Variants in EXOC4 observed in about 807,000 individuals in gnomAD.
The protein encoded by EXOC4 is exocyst complex component 4, also known as SEC8-like 1.
Under a neutral mutation model 107.2 loss-of-function variants are expected in EXOC4, and 71 were observed. That is an observed-to-expected ratio of 0.66 (90% confidence interval 0.55 to 0.81). The LOEUF (loss-of-function observed/expected upper bound fraction) is 0.81. Ranked by LOEUF, EXOC4 falls within the 30% of genes least tolerant of loss-of-function variation. EXOC4 has a pLI of 0.00. For synonymous variants in EXOC4, 456 were observed against 441.2 expected, an observed-to-expected ratio of 1.03 and a Z score of -0.42; for missense variants, 1,108 against 1,189.6, an observed-to-expected ratio of 0.93 and a Z score of 1.01.
intron 1 of EXOC4, among the ~76,000 whole-genome samples, chr7:133,254,397 G>C (rs1794965292): frequency 6.6e-6 from 1 of 152,162 alleles, no homozygotes; most frequent in African/African-American, 2.4e-5. Flanking sequence ...CCACATTCTC[G>C]CTGTGACAAT....
intron 12 of EXOC4, among the ~76,000 whole-genome samples, chr7:133,910,889 C>T (rs893919348): frequency 9.9e-5 from 15 of 152,156 alleles, no homozygotes; most frequent in African/African-American, 3.6e-4. Flanking sequence ...CCCACCTGCA[C>T]CTGGTTGTTT....
chr7:133,866,323 G>A lies in EXOC4; in HGVS notation c.1735-29276G>A, dbSNP rs145613109. Reference sequence around the variant, plus strand: ...CATGGCTCAGCTACTTGGCTTACTCGGTACCAGACATTGACTAGATGCTCA... The same window carrying A: ...CATGGCTCAGCTACTTGGCTTACTCAGTACCAGACATTGACTAGATGCTCA... On this transcript the variant is annotated intron_variant, in intron 11 of 17. Transcript: ENST00000253861. Among the ~76,000 whole-genome samples the A allele has an allele frequency of 4.6e-3, 696 of 152,198 alleles. 2 individuals are homozygous for A. The highest frequency in any genetic ancestry group is 0.014 in the African/African-American group (595 of 41,524).
Position 133,823,158 on chromosome 7 carries a change from G to A in EXOC4, c.1734+5614G>A, listed in dbSNP as rs558016029. Among the ~76,000 whole-genome samples the A allele has an allele frequency of 1.5e-3, 227 of 152,294 alleles. 7 individuals are homozygous for A. In the South Asian group the frequency reaches 0.042, roughly 28 times the overall value. On this transcript the variant is annotated intron_variant, in intron 11 of 17. Transcript: ENST00000253861. ...TCTGGGCAATCTTGAAATGTTTAGA[G>A]CATATTTTCATTTTCCTCTCTGCCC...
At chr7:133,465,229 A>C (rs898360012) in intron 7 of EXOC4, among the ~76,000 whole-genome samples, 1 of 152,204 alleles carries the variant, frequency 6.6e-6, no homozygotes, top group African/African-American at 2.4e-5. Flanking sequence ...AATATGTTTA[A>C]ATGAAATGGA....
At chr7:133,575,410 A>G (rs1801107001) in intron 9 of EXOC4, among the ~76,000 whole-genome samples, 2 of 152,240 alleles carry the variant, frequency 1.3e-5, no homozygotes, top group Non-Finnish European at 2.9e-5. Flanking sequence ...CACTAACTTT[A>G]AAATAGTCCC....
intron 17 of EXOC4, among the ~76,000 whole-genome samples, chr7:134,037,200 A>G (rs1290971121): frequency 2.0e-5 from 3 of 152,150 alleles, no homozygotes; most frequent in Non-Finnish European, 4.4e-5. Flanking sequence ...AAGGTACAAG[A>G]TATCAGTGGT....
In EXOC4 at chr7:133,280,726, C is replaced by T. The variant is rs75657555; in HGVS notation, c.276+5555C>T. 2.6e-4 allele frequency among the ~76,000 whole-genome samples: 39 copies of T among 152,036 alleles called. No individual in the cohort carries two copies. The East Asian group carries it at 7.4e-3, about 29-fold the overall frequency. On this transcript the variant is annotated intron_variant, in intron 2 of 17. Coordinates refer to ENST00000253861, the MANE Select transcript of EXOC4 (RefSeq NM_021807.4). ...TGAAACATTCATTATTTGGTAGATA[C>T]CTAAAATAATTCTGGCTTTTAAATG... is the stretch of plus-strand genomic sequence containing the variant.
At position 133,862,158 on chromosome 7, in the gene EXOC4, C is replaced by CTT. The variant is rs1231355625; in HGVS notation, c.1735-33427_1735-33426dup. On this transcript the variant is annotated intron_variant, in intron 11 of 17. Coordinates refer to ENST00000253861, the MANE Select transcript of EXOC4 (RefSeq NM_021807.4). ...ATGGTTCATGTCTTTAGTTTTCTTT[C>CTT]TTTTTTTTTTTTTTTAATTTTATGT... Among the ~76,000 whole-genome samples, 358 of 140,302 alleles carry CTT rather than the reference C, an allele frequency of 2.6e-3. 1 individual carries two copies. The highest frequency in any genetic ancestry group is 9.0e-3 in the African/African-American group (346 of 38,418). 92.0% of individuals were successfully genotyped at this position (140,302 alleles called of 152,430 possible).
intron 9 of EXOC4, among the ~76,000 whole-genome samples, chr7:133,564,069 A>G (rs1481790602): frequency 6.6e-6 from 1 of 152,154 alleles, no homozygotes; most frequent in African/African-American, 2.4e-5. Context: ...TATTTTACCT[A>G]CTCAGTAGCA....
chr7:133,769,940 C>G lies in EXOC4; in HGVS notation c.1515-47385C>G, dbSNP rs540171563. Among the ~76,000 whole-genome samples the G allele has an allele frequency of 7.9e-5, 12 of 151,916 alleles. 2 individuals are homozygous for G. The South Asian group carries it at 2.1e-3, about 26-fold the overall frequency. The stretch of plus-strand genomic sequence containing the variant: ...AGTGCCTCGGTTTTGCTAGCCTCAT[C>G]TGCTGTTTTTAAATGTCAGCCTCTG... On this transcript the variant is annotated intron_variant, in intron 10 of 17. Transcript: ENST00000253861.
intron 5 of EXOC4, among the ~76,000 whole-genome samples, chr7:133,318,766 T>C (rs2150583433): frequency 6.6e-6 from 1 of 152,328 alleles, no homozygotes; most frequent in East Asian, 1.9e-4. Flanking sequence ...AATCTTCAAG[T>C]TTATTACTTT....
At position 133,689,367 on chromosome 7, in the gene EXOC4, A is replaced by AG. The variant is rs1246261876; in HGVS notation, c.1514+59232dup. ...ACCTGTTAAAGATAGAATTTATTCA[A>AG]GGGGGGCTACTACAATGGGGTTTTG... On this transcript the variant is annotated intron_variant, in intron 10 of 17. Coordinates refer to ENST00000253861, the MANE Select transcript of EXOC4 (RefSeq NM_021807.4). 3.3e-5 allele frequency among the ~76,000 whole-genome samples: 5 copies of AG among 152,180 alleles called. No homozygotes were observed. In the South Asian group the frequency reaches 1.0e-3, roughly 32 times the overall value.
Position 133,956,014 on chromosome 7 carries a change from A to T in EXOC4, c.2206+17945A>T, listed in dbSNP as rs939699804. Among the ~76,000 whole-genome samples the T allele has an allele frequency of 2.0e-5, 3 of 152,184 alleles. No individual in the cohort carries two copies. The South Asian group carries it at 6.2e-4, about 32-fold the overall frequency. ...CCACAGCTCCAGTTTGGGTGGCAGC[A>T]GCTGCACCTGGGAGGGCAGGGCTCC... On this transcript the variant is annotated intron_variant, in intron 14 of 17. Coordinates refer to ENST00000253861, the MANE Select transcript of EXOC4 (RefSeq NM_021807.4).
intron 9 of EXOC4, among the ~76,000 whole-genome samples, chr7:133,618,836 T>C (rs1357206551): frequency 6.6e-6 from 1 of 152,122 alleles, no homozygotes; most frequent in Non-Finnish European, 1.5e-5. Flanking sequence ...GTCAATTATT[T>C]ATTGAACATA....
At chr7:133,853,938 G>T (rs978417526) in intron 11 of EXOC4, among the ~76,000 whole-genome samples, 1 of 152,166 alleles carries the variant, frequency 6.6e-6, no homozygotes, top group Non-Finnish European at 1.5e-5. Flanking sequence ...CACGAACAAG[G>T]TTTCAGCAGT....
intron 11 of EXOC4, among the ~76,000 whole-genome samples, chr7:133,849,956 AC>A (rs1292866649): frequency 1.3e-5 from 2 of 152,212 alleles, no homozygotes; most frequent in Non-Finnish European, 2.9e-5. Flanking sequence ...ATGAAATATT[AC>A]TGTTTTCAAT....
At chr7:133,487,983 T>C (rs1274537861) in intron 9 of EXOC4, among the ~76,000 whole-genome samples, 1 of 152,154 alleles carries the variant, frequency 6.6e-6, no homozygotes, top group Non-Finnish European at 1.5e-5. Flanking sequence ...TGTTAAAATA[T>C]GGAGAAGACC....
intron 10 of EXOC4, among the ~76,000 whole-genome samples, chr7:133,668,816 G>A (rs1393335389): frequency 1.3e-5 from 2 of 152,128 alleles, no homozygotes; most frequent in African/African-American, 4.8e-5. Flanking sequence ...GGCCAGAGGT[G>A]CCTTTCTGGA....
chr7:134,022,369 G>A (rs1480897367), intron 17 of EXOC4, among the ~76,000 whole-genome samples: 2 of 152,126 alleles, frequency 1.3e-5, no homozygotes, highest in Non-Finnish European at 2.9e-5. Context: ...GATTGCTTTA[G>A]TTAAGTTTCG....
Sources: allele counts gnomAD v4.1 joint callset (sites outside exome capture counted in the v4.1 genomes callset), GRCh38; gene constraint gnomAD v4.1.1; transcripts MANE v1.5; gene names NCBI Gene and HGNC (gene_info 2026-07-23, HGNC 2026-07-21).